TNPO3: variants seen among roughly 807,000 people sequenced by gnomAD.
The protein encoded by TNPO3 is transportin 3, also known as transportin-3.
A neutral mutation model predicts 122.8 loss-of-function variants in TNPO3; 65 were observed. The observed-to-expected ratio is 0.53, with a 90% CI of 0.43 to 0.65. The LOEUF (loss-of-function observed/expected upper bound fraction) is 0.65, where lower values mean the gene tolerates loss of function less well. TNPO3 is among the 30% of genes least tolerant of loss of function. The pLI is 0.00. For missense variants in TNPO3, 850 were observed against 1,136.7 expected (o/e 0.75, Z 3.63); for synonymous variants, 372 against 411.2 (o/e 0.90, Z 1.15).
chr7:129,032,860 C>A (rs745754875), intron 1 of TNPO3, among the ~76,000 whole-genome samples: 11 of 152,036 alleles, frequency 7.2e-5, no homozygotes, highest in Non-Finnish European at 1.5e-4. Flanking sequence ...GTTTCCTTCA[C>A]GTGGAATCTC....
chr7:129,015,953 A>C (rs1803803046), intron 3 of TNPO3, among the ~76,000 whole-genome samples: 1 of 152,084 alleles, frequency 6.6e-6, no homozygotes, highest in South Asian at 2.1e-4. Flanking sequence ...ATTTTATTTA[A>C]AAAATAAGCT....
chr7:129,018,748 T>C (rs1804121361), intron 1 of TNPO3, among the ~76,000 whole-genome samples: 1 of 152,198 alleles, frequency 6.6e-6, no homozygotes, highest in Admixed American at 6.5e-5. Flanking sequence ...AGACAGAGTC[T>C]CACTCTGTCA....
intron 12 of TNPO3, among the ~76,000 whole-genome samples, chr7:128,986,399 G>A (rs1800151859): frequency 1.3e-5 from 2 of 152,174 alleles, no homozygotes; most frequent in African/African-American, 2.4e-5. Context: ...TCTTTGGTAT[G>A]GCAATGCTTC....
At chr7:129,000,916 T>C in intron 6 of TNPO3, 143 bp downstream of exon 6, 4 of 986,652 alleles carry the variant, frequency 4.1e-6, no homozygotes, top group Middle Eastern at 3.1e-4. Context: ...CAGAAGAGCA[T>C]AGTAGAGCAT....
intron 7 of TNPO3, among the ~76,000 whole-genome samples, chr7:129,000,083 T>C (rs1801765506): frequency 6.6e-6 from 1 of 151,988 alleles, no homozygotes; most frequent in South Asian, 2.1e-4. Context: ...AAATTGGGGG[T>C]GTTAAGACTT....
At chr7:128,979,334 T>G (rs548007409) in intron 15 of TNPO3, among the ~76,000 whole-genome samples, 1 of 152,352 alleles carries the variant, frequency 6.6e-6, no homozygotes, top group Non-Finnish European at 1.5e-5. Flanking sequence ...TCTTTAGAAC[T>G]GGAAGAGCAT....
At chr7:129,027,162 T>C in intron 1 of TNPO3, among the ~76,000 whole-genome samples, 1 of 152,156 alleles carries the variant, frequency 6.6e-6, no homozygotes, top group Admixed American at 6.5e-5. Flanking sequence ...CATGTCCATA[T>C]GCTCCCTAAA....
At chr7:128,996,635 C>T (rs761071281) in intron 8 of TNPO3, among the ~76,000 whole-genome samples, 3 of 148,086 alleles carry the variant, frequency 2.0e-5, no homozygotes, top group Admixed American at 6.9e-5. Context: ...CCCAGCTACT[C>T]GGGAGGCTGA....
chr7:129,051,911 T>C (rs749903561), intron 1 of TNPO3, among the ~76,000 whole-genome samples: 8 of 152,224 alleles, frequency 5.3e-5, no homozygotes, highest in African/African-American at 7.2e-5. Flanking sequence ...CCCAAAGTGT[T>C]GGGATTACAG....
chr7:128,963,329 A>C (rs1797644014), intron 21 of TNPO3, among the ~76,000 whole-genome samples: 1 of 152,250 alleles, frequency 6.6e-6, no homozygotes. Context: ...TAGGAAAATT[A>C]GAGCCAATAC....
intron 1 of TNPO3, among the ~76,000 whole-genome samples, chr7:129,019,300 C>T (rs1804196989): frequency 6.6e-6 from 1 of 152,008 alleles, no homozygotes; most frequent in Admixed American, 6.6e-5. Context: ...CATGGACTGG[C>T]AATAATGGAC....
Position 128,986,811 on chromosome 7 carries a change from C to T in TNPO3, c.1608G>A (p.Gln536=), listed in dbSNP as rs1464769657. 1.9e-6 allele frequency: 3 copies of T among 1,614,140 alleles called. No homozygotes were observed. The highest frequency in any genetic ancestry group is 2.5e-6 in the Non-Finnish European group (3 of 1,180,006). Residue 536 remains glutamine (Q), a synonymous_variant, in exon 12 of 23, where the codon CAG becomes CAA. Coordinates refer to ENST00000265388, the MANE Select transcript of TNPO3 (RefSeq NM_012470.4). ...ICSVCRDHMA[Q]HFNGLLEIAR... ...CAATCTCCAGGAGTCCATTAAAGTG[C>T]TGAGCCATGTGATCTCGGCAGACAG...
chr7:128,955,052 G>C lies in TNPO3; in HGVS notation c.*365C>G. On this transcript the variant is annotated 3_prime_UTR_variant, in exon 23 of 23. Coordinates refer to ENST00000265388, the MANE Select transcript of TNPO3 (RefSeq NM_012470.4). ...GCGTGCATGTGTCATTTGCTACCAG[G>C]TGAATGTTTCAGTTCTGGTTTCTGT... The C allele has an allele frequency of 3.2e-6, 1 of 315,190 alleles. No homozygotes were observed. Among genetic ancestry groups the C allele is most frequent in the Non-Finnish European group, 6.1e-6 (1 of 162,882 alleles). 19.5% of individuals were successfully genotyped at this position (315,190 alleles called of 1,614,324 possible). A position where few individuals can be genotyped will look rare whatever the true frequency, so the allele number is the denominator to read the frequency against.
chr7:129,040,112 G>A lies in TNPO3; in HGVS notation c.120+14539C>T, dbSNP rs146621293. 1.4e-3 allele frequency among the ~76,000 whole-genome samples: 218 copies of A among 152,130 alleles called. 1 individual carries two copies. Among genetic ancestry groups the A allele is most frequent in the East Asian group, 0.013 (66 of 5,168 alleles). On this transcript the variant is annotated intron_variant, in intron 1 of 22. Coordinates refer to ENST00000265388, the MANE Select transcript of TNPO3 (RefSeq NM_012470.4). ...TCTACTAAAAATACAAAAATTAGCC[G>A]GGCGTGGTGGTGCACACTTGTAATC...
At chr7:129,049,831 G>A (rs1346635246) in intron 1 of TNPO3, among the ~76,000 whole-genome samples, 1 of 152,148 alleles carries the variant, frequency 6.6e-6, no homozygotes, top group Non-Finnish European at 1.5e-5. Flanking sequence ...CGAGAATAGG[G>A]AAGGCAAGGG....
chr7:129,027,720 C>T (rs191501073), intron 1 of TNPO3, among the ~76,000 whole-genome samples: 4 of 152,182 alleles, frequency 2.6e-5, no homozygotes, highest in Non-Finnish European at 5.9e-5. Context: ...CTCTTTGGCT[C>T]CACTTTTCCC....
At chr7:128,957,985 T>A (rs950528809) in intron 21 of TNPO3, among the ~76,000 whole-genome samples, 2 of 152,132 alleles carry the variant, frequency 1.3e-5, no homozygotes, top group Non-Finnish European at 2.9e-5. Context: ...CCCTGTTTTT[T>A]CAAAAGCCCC....
chr7:128,974,856 A>C lies in TNPO3; in HGVS notation c.2273+12T>G. The C allele has an allele frequency of 3.1e-6, 5 of 1,609,778 alleles. No individual in the cohort carries two copies. The highest frequency in any genetic ancestry group is 4.3e-6 in the Non-Finnish European group (5 of 1,175,968). ...TGAGCAATTAAGAAATGGGCTCTTC[A>C]GAAGGATTTACCTGGTGGCTAGCCG... On this transcript the variant is annotated intron_variant, in intron 18 of 22. Transcript: ENST00000265388.
intron 21 of TNPO3, among the ~76,000 whole-genome samples, chr7:128,965,005 C>A (rs947474439): frequency 6.6e-6 from 1 of 152,098 alleles, no homozygotes; most frequent in South Asian, 2.1e-4. Context: ...AAAACCTAGG[C>A]GGAAAACTTC....
Sources: gnomAD v4.1 joint callset for allele counts (sites outside exome capture counted in the v4.1 genomes callset) on GRCh38, gnomAD v4.1.1 for gene constraint, MANE v1.5 for transcripts, NCBI Gene and HGNC (gene_info 2026-07-23, HGNC 2026-07-21) for gene names.